Variants in CPSF7 observed in about 807,000 individuals in gnomAD.
CPSF7 encodes the protein cleavage and polyadenylation specificity factor subunit 7.
Under a neutral mutation model 44.3 loss-of-function variants are expected in CPSF7, and 1 was observed. That is an observed-to-expected ratio of 0.02 (90% confidence interval 0.01 to 0.11). The LOEUF is 0.11. Among genes scored for constraint, CPSF7 ranks in the 10% least tolerant of loss-of-function variants. The pLI is 1.00. For synonymous variants in CPSF7, 202 were observed against 222.0 expected (o/e 0.91, Z 0.80); for missense variants, 443 against 607.2 (o/e 0.73, Z 2.84).
In CPSF7 at chr11:61,412,012, G is replaced by A. The variant is rs1039548070; in HGVS notation, c.1058-75C>T. On this transcript the variant is annotated intron_variant, in intron 7 of 9. Transcript: ENST00000439958. ...TAACTGGACCAAAAGGAGAACTCAG[G>A]CAGACACAAACCAAGAGTAGCTAGC... The A allele has an allele frequency of 2.9e-6, 4 of 1,367,784 alleles. No individual in the cohort carries two copies. In the African/African-American group the frequency reaches 5.7e-5, roughly 19 times the overall value. The allele number at this position is 1,367,784 out of a possible 1,614,324, so 84.7% of individuals were successfully genotyped here.
intron 2 of CPSF7, 81 bp from the exon 3 acceptor site, chr11:61,421,689 A>G: frequency 2.0e-6 from 2 of 997,296 alleles, no homozygotes; most frequent in Non-Finnish European, 1.5e-6. Context: ...ATTAGAATCC[A>G]GTTAAATACT....
chr11:61,411,247 T>C, intron 8 of CPSF7, 142 bp from the exon 9 acceptor site: 4 of 771,384 alleles, frequency 5.2e-6, no homozygotes, highest in Non-Finnish European at 7.9e-6. Flanking sequence ...ATTTTAGCTC[T>C]TTGAGGACTA....
chr11:61,403,471 G>A lies in CPSF7; in HGVS notation c.*1239C>T, dbSNP rs1482581448. The A allele has an allele frequency of 6.6e-6, 1 of 152,098 alleles. No individual in the cohort carries two copies. Among genetic ancestry groups the A allele is most frequent in the Non-Finnish European group, 1.5e-5 (1 of 68,006 alleles). 9.4% of individuals were successfully genotyped at this position (152,098 alleles called of 1,614,324 possible). A position where few individuals can be genotyped will look rare whatever the true frequency, so the allele number is the denominator to read the frequency against. On this transcript the variant is annotated 3_prime_UTR_variant, in exon 10 of 10. Coordinates refer to ENST00000439958, the MANE Select transcript of CPSF7 (RefSeq NM_001142565.3). Reference sequence around the variant, plus strand: ...AGAGAAAATGGCCCCCAGAATGCTGGTCCTTAGAACTCTGAGCTGAGTTCA... The same window carrying A: ...AGAGAAAATGGCCCCCAGAATGCTGATCCTTAGAACTCTGAGCTGAGTTCA...
chr11:61,416,560 A>G, intron 5 of CPSF7, 41 bp from the exon 6 acceptor site: 3 of 1,591,062 alleles, frequency 1.9e-6, no homozygotes, highest in Non-Finnish European at 2.6e-6. Context: ...CCCAGGCTTT[A>G]CACAAACCCA....
At chr11:61,419,005 A>C (rs1197716436) in intron 5 of CPSF7, among the ~76,000 whole-genome samples, 1 of 151,628 alleles carries the variant, frequency 6.6e-6, no homozygotes, top group Non-Finnish European at 1.5e-5. Flanking sequence ...GGTGTGAGCC[A>C]CCATGCCCAG....
chr11:61,419,850 T>C (rs1860700856), intron 5 of CPSF7, 99 bp downstream of exon 5: 5 of 1,472,528 alleles, frequency 3.4e-6, no homozygotes, highest in Middle Eastern at 2.5e-4. Flanking sequence ...TCACCCACAC[T>C]GTAGGCTAAG....
intron 7 of CPSF7, among the ~76,000 whole-genome samples, chr11:61,414,111 C>G (rs1392383063): frequency 6.6e-6 from 1 of 151,624 alleles, no homozygotes; most frequent in Non-Finnish European, 1.5e-5. Context: ...CCCATATAAC[C>G]CATGGGTATA....
intron 2 of CPSF7, among the ~76,000 whole-genome samples, chr11:61,423,064 T>A (rs897171057): frequency 7.6e-6 from 1 of 130,720 alleles, no homozygotes; most frequent in African/African-American, 3.1e-5. Flanking sequence ...GAGGTTGAGG[T>A]TGCAGTGAGC....
At chr11:61,425,262 T>C (rs1423864655) in intron 2 of CPSF7, among the ~76,000 whole-genome samples, 1 of 152,252 alleles carries the variant, frequency 6.6e-6, no homozygotes, top group East Asian at 1.9e-4. Flanking sequence ...CAATTCATTT[T>C]ACTTGTTCAG....
chr11:61,411,131 C>G, intron 8 of CPSF7, 26 bp from the exon 9 acceptor site: 7 of 1,579,720 alleles, frequency 4.4e-6, no homozygotes, highest in Non-Finnish European at 6.0e-6. Flanking sequence ...TTCAGCCTCA[C>G]TCAGAAGGCC....
chr11:61,409,844 G>A (rs551300116), intron 9 of CPSF7, among the ~76,000 whole-genome samples: 2 of 152,046 alleles, frequency 1.3e-5, no homozygotes, highest in Non-Finnish European at 2.9e-5. Flanking sequence ...GTGGTGACGC[G>A]CGCCTGTAGC....
intron 2 of CPSF7, among the ~76,000 whole-genome samples, chr11:61,422,770 T>G (rs577521345): frequency 6.6e-6 from 1 of 152,188 alleles, no homozygotes; most frequent in Non-Finnish European, 1.5e-5. Flanking sequence ...CTATGTGATA[T>G]CTTACTTACT....
intron 2 of CPSF7, among the ~76,000 whole-genome samples, chr11:61,424,733 G>C (rs1324877902): frequency 6.6e-6 from 1 of 152,180 alleles, no homozygotes; most frequent in East Asian, 1.9e-4. Context: ...GATTACAGGC[G>C]TAAGCCACTG....
At chr11:61,424,129 A>G (rs1252214979) in intron 2 of CPSF7, among the ~76,000 whole-genome samples, 1 of 152,220 alleles carries the variant, frequency 6.6e-6, no homozygotes, top group Admixed American at 6.5e-5. Context: ...AGTCAAATCC[A>G]TCAAAAAGGA....
intron 2 of CPSF7, among the ~76,000 whole-genome samples, chr11:61,425,012 C>T (rs983040244): frequency 2.0e-5 from 3 of 152,232 alleles, no homozygotes; most frequent in African/African-American, 7.2e-5. Flanking sequence ...AACCAATCCA[C>T]TGTTTTAAGA....
At chr11:61,417,125 T>C (rs1860410670) in intron 5 of CPSF7, among the ~76,000 whole-genome samples, 1 of 151,926 alleles carries the variant, frequency 6.6e-6, no homozygotes, top group Admixed American at 6.6e-5. Context: ...AAGTGAAAGA[T>C]AAGAAAAATT....
chr11:61,421,735 C>T, intron 2 of CPSF7, 127 bp from the exon 3 acceptor site: 2 of 670,682 alleles, frequency 3.0e-6, no homozygotes, highest in Non-Finnish European at 5.1e-6. Flanking sequence ...TGTCCTACCC[C>T]AGGAAACAAA....
intron 2 of CPSF7, chr11:61,428,968 T>G (rs1861659296): frequency 2.5e-6 from 1 of 394,200 alleles, no homozygotes; most frequent in Admixed American, 4.1e-5. Context: ...TTATTTGCTC[T>G]TAAATCAAAG....
chr11:61,422,301 A>T (rs1214364324), intron 2 of CPSF7, among the ~76,000 whole-genome samples: 1 of 152,054 alleles, frequency 6.6e-6, no homozygotes, highest in Non-Finnish European at 1.5e-5. Context: ...CATTACCATG[A>T]CATGTATCTA....
Sources: allele counts gnomAD v4.1 joint callset (sites outside exome capture counted in the v4.1 genomes callset), GRCh38; gene constraint gnomAD v4.1.1; transcripts MANE v1.5; gene names NCBI Gene and HGNC (gene_info 2026-07-23, HGNC 2026-07-21).